Variants in DNAJB6 observed in about 807,000 individuals in gnomAD.
DNAJB6 encodes the protein dnaJ homolog subfamily B member 6.
A neutral mutation model predicts 42.7 loss-of-function variants in DNAJB6; 16 were observed. The observed-to-expected ratio is 0.37, with a 90% CI of 0.25 to 0.57. DNAJB6 has a LOEUF of 0.57. Ranked by LOEUF, DNAJB6 falls within the 20% of genes least tolerant of loss-of-function variation. The pLI, the probability that DNAJB6 is intolerant of heterozygous loss-of-function variation, is 0.74. For synonymous variants in DNAJB6, 170 were observed against 163.5 expected, an observed-to-expected ratio of 1.04 and a Z score of -0.30; for missense variants, 347 against 416.8, an observed-to-expected ratio of 0.83 and a Z score of 1.46.
At chr7:157,379,095 T>A (rs1245376353) in intron 5 of DNAJB6, 2 of 152,006 alleles carry the variant, frequency 1.3e-5, no homozygotes, top group Non-Finnish European at 2.9e-5. Flanking sequence ...TACAAGAAAA[T>A]GGAACGGAAA....
At chr7:157,389,189 C>G (rs772258279) in intron 8 of DNAJB6, among the ~76,000 whole-genome samples, 2 of 152,170 alleles carry the variant, frequency 1.3e-5, no homozygotes, top group Non-Finnish European at 2.9e-5. Context: ...TTAATTAGAG[C>G]TTGAAAAATG....
intron 1 of DNAJB6, among the ~76,000 whole-genome samples, chr7:157,341,967 A>G (rs1798412409): frequency 6.6e-6 from 1 of 152,008 alleles, no homozygotes; most frequent in Non-Finnish European, 1.5e-5. Context: ...CTGGGGTTCA[A>G]GCGATTCTCC....
In DNAJB6 at chr7:157,390,153, A is replaced by T. The variant is rs1801269386; in HGVS notation, c.691+4542A>T. On this transcript the variant is annotated intron_variant, in intron 8 of 9. Coordinates refer to ENST00000262177, the MANE Select transcript of DNAJB6 (RefSeq NM_058246.4). ...GGTGGTTGCTGTCCCACAGCCCTTGATTCAGAGATGCCCTGGACCACAGCT... is the reference window on the plus strand; with the variant it reads ...GGTGGTTGCTGTCCCACAGCCCTTGTTTCAGAGATGCCCTGGACCACAGCT... 3.3e-5 allele frequency among the ~76,000 whole-genome samples: 5 copies of T among 152,202 alleles called. No homozygotes were observed. In the South Asian group the frequency reaches 1.0e-3, roughly 32 times the overall value.
At chr7:157,404,265 C>CT (rs1250285590) in intron 8 of DNAJB6, among the ~76,000 whole-genome samples, 1 of 150,738 alleles carries the variant, frequency 6.6e-6, no homozygotes, top group East Asian at 2.0e-4. Flanking sequence ...TGAGCTGCCA[C>CT]TTTCAGCCCT....
At chr7:157,374,040 A>G (rs1298315396) in intron 5 of DNAJB6, among the ~76,000 whole-genome samples, 1 of 152,160 alleles carries the variant, frequency 6.6e-6, no homozygotes, top group Non-Finnish European at 1.5e-5. Context: ...AAAAGGTTAA[A>G]AAATGAAACC....
chr7:157,355,880 G>T (rs1357137566), intron 1 of DNAJB6, among the ~76,000 whole-genome samples: 1 of 152,224 alleles, frequency 6.6e-6, no homozygotes, highest in Non-Finnish European at 1.5e-5. Flanking sequence ...TGTTTTTGGT[G>T]GTGAAGTAAA....
At chr7:157,360,650 G>T (rs1318124845) in intron 2 of DNAJB6, among the ~76,000 whole-genome samples, 4 of 152,206 alleles carry the variant, frequency 2.6e-5, no homozygotes, top group Non-Finnish European at 5.9e-5. Context: ...GTGTACAGTT[G>T]TATAAATGCT....
intron 1 of DNAJB6, chr7:157,337,898 T>G (rs1311003676): frequency 6.7e-6 from 1 of 149,440 alleles, no homozygotes; most frequent in African/African-American, 2.5e-5. Flanking sequence ...AGGATGGGTT[T>G]GCTAGTCAGA....
At chr7:157,402,180 C>G (rs535624782) in intron 8 of DNAJB6, among the ~76,000 whole-genome samples, 2 of 152,200 alleles carry the variant, frequency 1.3e-5, no homozygotes, top group Non-Finnish European at 2.9e-5. Flanking sequence ...AGGCTGGTCT[C>G]GAACTCCTGG....
At chr7:157,366,660 T>C in intron 4 of DNAJB6, 99 bp downstream of exon 4, 1 of 1,089,668 alleles carries the variant, frequency 9.2e-7, no homozygotes, top group Non-Finnish European at 1.4e-6. Context: ...TTTGTATCAG[T>C]AAATAGAGAT....
At chr7:157,360,547 T>TA (rs1304298639) in intron 2 of DNAJB6, among the ~76,000 whole-genome samples, 3 of 152,214 alleles carry the variant, frequency 2.0e-5, no homozygotes, top group African/African-American at 7.2e-5. Flanking sequence ...TCTGAGAACA[T>TA]ACAGGTTGCT....
chr7:157,388,471 A>G (rs1801185092), intron 8 of DNAJB6, among the ~76,000 whole-genome samples: 1 of 152,182 alleles, frequency 6.6e-6, no homozygotes, highest in African/African-American at 2.4e-5. Context: ...AGGAAGCTGA[A>G]CGCTCCTTAA....
At chr7:157,363,760 C>T (rs1799719896) in intron 3 of DNAJB6, among the ~76,000 whole-genome samples, 1 of 152,170 alleles carries the variant, frequency 6.6e-6, no homozygotes, top group African/African-American at 2.4e-5. Flanking sequence ...GGCCTGTTTT[C>T]CCCTCCTAGG....
At chr7:157,367,192 G>T (rs1171207232) in intron 4 of DNAJB6, among the ~76,000 whole-genome samples, 181 bp from the exon 5 acceptor site, 1 of 152,204 alleles carries the variant, frequency 6.6e-6, no homozygotes, top group Non-Finnish European at 1.5e-5. Flanking sequence ...TGCCATCAGC[G>T]CTGGGCACAC....
intron 1 of DNAJB6, among the ~76,000 whole-genome samples, chr7:157,351,947 A>G (rs190002114): frequency 0.019 from 2,871 of 152,198 alleles, 35 homozygotes; most frequent in Non-Finnish European, 0.03. Context: ...GTGAGTCGAG[A>G]TTGTGCTGCT....
chr7:157,368,422 G>T (rs1799947386), intron 5 of DNAJB6, among the ~76,000 whole-genome samples: 1 of 152,226 alleles, frequency 6.6e-6, no homozygotes, highest in Non-Finnish European at 1.5e-5. Context: ...AACATTGTGT[G>T]TGAGGACTGT....
intron 1 of DNAJB6, chr7:157,339,928 C>T (rs1337941244): frequency 2.6e-5 from 4 of 152,216 alleles, no homozygotes. Context: ...GTCCGGCTGT[C>T]ACTTTAAAGA....
chr7:157,406,542 G>T (rs1365139386), intron 8 of DNAJB6, among the ~76,000 whole-genome samples: 4 of 152,204 alleles, frequency 2.6e-5, no homozygotes, highest in Non-Finnish European at 5.9e-5. Flanking sequence ...TCTGGGTGTT[G>T]CCGGGACCTG....
chr7:157,381,807 CTGTT>C (rs1800792463), intron 5 of DNAJB6: 1 of 153,220 alleles, frequency 6.5e-6, no homozygotes, highest in African/African-American at 2.4e-5. Flanking sequence ...ATCCATTTTT[CTGTT>C]TGTTTCTGAA....
Sources: allele counts gnomAD v4.1 joint callset (sites outside exome capture counted in the v4.1 genomes callset), GRCh38; gene constraint gnomAD v4.1.1; transcripts MANE v1.5; gene names NCBI Gene and HGNC (gene_info 2026-07-23, HGNC 2026-07-21).